The following TMEM132D variants were observed in gnomAD, a reference collection of about 807,000 sequenced individuals.
TMEM132D encodes transmembrane protein 132D, also known as mature OL transmembrane protein.
A neutral mutation model predicts 62.3 loss-of-function variants in TMEM132D; 21 were observed. That is an observed-to-expected ratio of 0.34 (90% CI 0.24 to 0.49). The LOEUF is 0.49. TMEM132D is among the 20% of genes least tolerant of loss of function. The probability of loss-of-function intolerance (pLI) is 0.99; values close to 1 mark genes in which losing one functional copy is unlikely to be tolerated. For missense variants in TMEM132D, 1,346 were observed against 1,402.8 expected (o/e 0.96, Z 0.65); for synonymous variants, 621 against 575.6 (o/e 1.08, Z -1.13).
intron 2 of TMEM132D, among the ~76,000 whole-genome samples, chr12:129,591,204 CA>C (rs1263846682): frequency 6.6e-6 from 1 of 152,182 alleles, no homozygotes; most frequent in Non-Finnish European, 1.5e-5. Context: ...TGAGTCAGAT[CA>C]AAAGGGTAGC....
At chr12:129,477,166 C>T (rs1874287965) in intron 3 of TMEM132D, among the ~76,000 whole-genome samples, 1 of 152,156 alleles carries the variant, frequency 6.6e-6, no homozygotes, top group African/African-American at 2.4e-5. Context: ...CCAGCAGCAA[C>T]CCCGTCTCCT....
intron 2 of TMEM132D, among the ~76,000 whole-genome samples, chr12:129,632,479 G>T (rs12818459): frequency 6.6e-6 from 1 of 151,964 alleles, no homozygotes; most frequent in African/African-American, 2.4e-5. Context: ...TCCAGTCTTC[G>T]GAGTTCTGTC....
chr12:129,574,063 A>T (rs946286648), intron 2 of TMEM132D, among the ~76,000 whole-genome samples: 3 of 151,948 alleles, frequency 2.0e-5, no homozygotes, highest in Non-Finnish European at 2.9e-5. Flanking sequence ...AGATGTCTGC[A>T]TTTCATTGTG....
chr12:129,133,054 G>A (rs533820231), intron 5 of TMEM132D, among the ~76,000 whole-genome samples: 2 of 152,300 alleles, frequency 1.3e-5, no homozygotes, highest in East Asian at 3.9e-4. Flanking sequence ...TGCTCCCAGA[G>A]TTCTCTTCTG....
At position 129,082,004 on chromosome 12, in the gene TMEM132D, C is replaced by A. The variant is rs374617296; in HGVS notation, c.1678G>T (p.Asp560Tyr). ...CAGCCGCGGCCCCTCCGCTCATCAT[C>A]CTCCTCCTCTTCACTGTCCCCGGCA... ...RPAGDSEEEE[D>Y]DERRGRGCTL... Residue 560 changes from aspartate to tyrosine, a missense_variant, in exon 7 of 9, where the codon GAT becomes TAT. Asp to Tyr is a radical substitution (Grantham distance 160). Coordinates refer to ENST00000422113, the MANE Select transcript of TMEM132D (RefSeq NM_133448.3). 5.5e-5 allele frequency: 88 copies of A among 1,611,104 alleles called. No homozygotes were observed. Among genetic ancestry groups the A allele is most frequent in the East Asian group, 4.9e-4 (22 of 44,756 alleles).
At chr12:129,300,192 G>C (rs1319282022) in intron 4 of TMEM132D, among the ~76,000 whole-genome samples, 2 of 152,170 alleles carry the variant, frequency 1.3e-5, no homozygotes, top group African/African-American at 4.8e-5. Context: ...TAATTAAGAT[G>C]CAGGAGTGTG....
intron 5 of TMEM132D, among the ~76,000 whole-genome samples, chr12:129,189,800 G>T (rs1320722156): frequency 1.3e-5 from 2 of 152,144 alleles, no homozygotes; most frequent in Non-Finnish European, 2.9e-5. Flanking sequence ...TGGCAAAGAC[G>T]TCAGTGTCCT....
intron 4 of TMEM132D, among the ~76,000 whole-genome samples, chr12:129,322,170 G>A (rs1868740740): frequency 6.7e-6 from 1 of 148,272 alleles, no homozygotes; most frequent in Non-Finnish European, 1.5e-5. Context: ...ATCCATACGT[G>A]GGACGAATGT....
chr12:129,618,334 A>G (rs900963105), intron 2 of TMEM132D, among the ~76,000 whole-genome samples: 3 of 152,230 alleles, frequency 2.0e-5, no homozygotes, highest in African/African-American at 7.2e-5. Context: ...AGGTCAGAGT[A>G]GTAATGCTTC....
chr12:129,385,026 C>T (rs1483573383), intron 3 of TMEM132D, among the ~76,000 whole-genome samples: 1 of 151,588 alleles, frequency 6.6e-6, no homozygotes, highest in Non-Finnish European at 1.5e-5. Flanking sequence ...CAAAACATCC[C>T]TGAATCCACA....
At chr12:129,860,301 C>G (rs1873852206) in intron 1 of TMEM132D, among the ~76,000 whole-genome samples, 1 of 152,226 alleles carries the variant, frequency 6.6e-6, no homozygotes, top group Non-Finnish European at 1.5e-5. Flanking sequence ...TCATGGGAGA[C>G]TCTAGGGAAA....
chr12:129,225,205 G>A (rs1163479501), intron 4 of TMEM132D, among the ~76,000 whole-genome samples: 1 of 152,204 alleles, frequency 6.6e-6, no homozygotes, highest in Non-Finnish European at 1.5e-5. Context: ...TACATGAAAG[G>A]TGGTTATTGC....
chr12:129,232,324 G>GGGCAAACT (rs1879664760), intron 4 of TMEM132D, among the ~76,000 whole-genome samples: 1 of 152,198 alleles, frequency 6.6e-6, no homozygotes, highest in Non-Finnish European at 1.5e-5. Context: ...TGGACAGAGA[G>GGGCAAACT]GGCAAACTGG....
intron 5 of TMEM132D, among the ~76,000 whole-genome samples, chr12:129,136,831 CATT>C (rs1399188736): frequency 2.2e-5 from 3 of 139,514 alleles, no homozygotes; most frequent in African/African-American, 2.7e-5. Context: ...ATACCATCAT[CATT>C]ATCACCACCA....
intron 4 of TMEM132D, among the ~76,000 whole-genome samples, chr12:129,239,768 C>G (rs1478376509): frequency 6.6e-6 from 1 of 152,182 alleles, no homozygotes; most frequent in Non-Finnish European, 1.5e-5. Flanking sequence ...TCTTAGGAGA[C>G]AGAGCATGGT....
chr12:129,517,710 T>C (rs1875723902), intron 3 of TMEM132D, among the ~76,000 whole-genome samples: 1 of 152,240 alleles, frequency 6.6e-6, no homozygotes, highest in Non-Finnish European at 1.5e-5. Flanking sequence ...TCGTAAATCC[T>C]GCCTGAGGTT....
Position 129,073,626 on chromosome 12 carries a change from T to C in TMEM132D, c.*249A>G. The C allele has an allele frequency of 2.5e-6, 1 of 399,284 alleles. No homozygotes were observed. The highest frequency in any genetic ancestry group is 3.7e-5 in the East Asian group (1 of 27,164). The allele number at this position is 399,284 out of a possible 1,614,324, so 24.7% of individuals were successfully genotyped here. A position where few individuals can be genotyped will look rare whatever the true frequency, so the allele number is the denominator to read the frequency against. The stretch of plus-strand genomic sequence containing the variant: ...CGCTCAGTGATTCAGAACTCGTTTT[T>C]GTTTCAAGTCTTAAAAATCTTGCCA... On this transcript the variant is annotated 3_prime_UTR_variant, in exon 9 of 9. Coordinates refer to ENST00000422113, the MANE Select transcript of TMEM132D (RefSeq NM_133448.3).
intron 2 of TMEM132D, among the ~76,000 whole-genome samples, chr12:129,546,735 AG>A (rs561587056): frequency 9.4e-4 from 143 of 151,750 alleles, no homozygotes; most frequent in African/African-American, 3.4e-3. Flanking sequence ...CAGGAGGTGG[AG>A]GTTGCAGTGA....
intron 2 of TMEM132D, among the ~76,000 whole-genome samples, chr12:129,694,714 T>G (rs150782191): frequency 1.5e-3 from 228 of 152,310 alleles, no homozygotes; most frequent in African/African-American, 5.3e-3. Context: ...TTTTGGTCTA[T>G]AAATGTGTTC....
Sources: allele counts gnomAD v4.1 joint callset (sites outside exome capture counted in the v4.1 genomes callset), GRCh38; gene constraint gnomAD v4.1.1; transcripts MANE v1.5; gene names NCBI Gene and HGNC (gene_info 2026-07-23, HGNC 2026-07-21).